The following INTS7 variants were observed in gnomAD, a reference collection of about 807,000 sequenced individuals.
INTS7 encodes the protein chromosome 1 open reading frame 73.
A neutral mutation model predicts 109.2 loss-of-function variants in INTS7; 46 were observed. That is an observed-to-expected ratio of 0.42 (90% CI 0.33 to 0.54). The LOEUF is 0.54. Among genes scored for constraint, INTS7 ranks in the 20% least tolerant of loss-of-function variants. The probability of loss-of-function intolerance (pLI) is 0.07; values close to 1 mark genes in which losing one functional copy is unlikely to be tolerated. For synonymous variants in INTS7, 412 were observed against 402.9 expected (o/e 1.02, Z -0.27); for missense variants, 929 against 1,132.4 (o/e 0.82, Z 2.58).
At chr1:211,968,229 G>A (rs759838152) in intron 14 of INTS7, among the ~76,000 whole-genome samples, 5 of 151,986 alleles carry the variant, frequency 3.3e-5, no homozygotes, top group African/African-American at 7.3e-5. Context: ...GTATTTTAGC[G>A]TCTTCAAGTT....
rs1663883026 is a variant in INTS7, at chr1:211,966,437, A to C, written c.2176T>G (p.Ser726Ala). The C allele has an allele frequency of 1.3e-6, 2 of 1,576,536 alleles. No homozygotes were observed. The highest frequency in any genetic ancestry group is 1.7e-6 in the Non-Finnish European group (2 of 1,146,570). ...AIEALILDPE[S>A]ASFQEYGSTG... ...TATTAATATTAGAATTACCTTGCTG[A>C]TTCTGGATCCAAAATCAGGGCTTCT... Residue 726 changes from serine (S) to alanine (A), a missense_variant, in exon 16 of 20, where the codon TCA (serine) becomes GCA (alanine). Physicochemically the swap from Ser to Ala is moderately conservative, Grantham distance 99. This residue lies in a region of INTS7 where 787 missense variants were observed against 901.1 expected (regional missense o/e 0.87). Coordinates refer to ENST00000366994, the MANE Select transcript of INTS7 (RefSeq NM_015434.4).
chr1:211,968,046 CCAAAA>C, intron 14 of INTS7, 65 bp from the exon 15 acceptor site: 1 of 856,090 alleles, frequency 1.2e-6, no homozygotes, highest in Non-Finnish European at 1.8e-6. Context: ...AACACAAAAA[CCAAAA>C]CAAAAAAAAG....
intron 15 of INTS7, among the ~76,000 whole-genome samples, 200 bp downstream of exon 15, chr1:211,967,678 C>A (rs188649008): frequency 6.6e-6 from 1 of 151,930 alleles, no homozygotes; most frequent in African/African-American, 2.4e-5. Context: ...AAGACACCTT[C>A]GAGTCACCAT....
chr1:211,977,452 C>T (rs1345510947), intron 11 of INTS7, among the ~76,000 whole-genome samples: 1 of 152,170 alleles, frequency 6.6e-6, no homozygotes, highest in Admixed American at 6.5e-5. Flanking sequence ...TATTTCAAAG[C>T]TGATTCATAT....
At position 212,014,693 on chromosome 1, in the gene INTS7, G is replaced by A. The variant is rs1453578351; in HGVS notation, c.509+2193C>T. On this transcript the variant is annotated intron_variant, in intron 4 of 19. Coordinates refer to ENST00000366994, the MANE Select transcript of INTS7 (RefSeq NM_015434.4). ...GCCAAGTGCCTGGGATTGCAGGTGC[G>A]CCGCCACGCCTGACTGGTTTTTGTA... is the stretch of plus-strand genomic sequence containing the variant. 1.0e-4 allele frequency among the ~76,000 whole-genome samples: 15 copies of A among 149,508 alleles called. 1 individual carries two copies. Among genetic ancestry groups the A allele is most frequent in the Non-Finnish European group, 1.8e-4 (12 of 66,894 alleles).
At chr1:211,990,004 A>C (rs1021707585) in intron 7 of INTS7, among the ~76,000 whole-genome samples, 1 of 152,178 alleles carries the variant, frequency 6.6e-6, no homozygotes. Flanking sequence ...TTGATAATAC[A>C]TAACACTGAA....
intron 6 of INTS7, 87 bp downstream of exon 6, chr1:212,007,163 G>A (rs917292774): frequency 2.1e-6 from 2 of 960,478 alleles, no homozygotes; most frequent in Admixed American, 4.2e-5. Flanking sequence ...ATGTCCTCAA[G>A]ACTTGTGGGC....
chr1:212,009,675 A>T (rs1422914469), intron 5 of INTS7, among the ~76,000 whole-genome samples: 1 of 152,206 alleles, frequency 6.6e-6, no homozygotes, highest in Non-Finnish European at 1.5e-5. Context: ...GCCTTTGTGA[A>T]TGGTTCCTTT....
At position 211,953,166 on chromosome 1, in the gene INTS7, T is replaced by C. The variant is rs200109198; in HGVS notation, c.2184-465A>G. 8.0e-4 allele frequency among the ~76,000 whole-genome samples: 122 copies of C among 152,178 alleles called. 1 individual carries two copies. The East Asian group carries it at 0.016, about 20-fold the overall frequency. On this transcript the variant is annotated intron_variant, in intron 16 of 19. Transcript: ENST00000366994. ...GTAGGTAAGTAAGATGGGTAAACTTTGGAGAGATGGAAAGTACAGGACATT... is the reference window on the plus strand; with the variant it reads ...GTAGGTAAGTAAGATGGGTAAACTTCGGAGAGATGGAAAGTACAGGACATT...
intron 1 of INTS7, chr1:212,030,844 T>C (rs905540391): frequency 6.6e-6 from 1 of 152,218 alleles, no homozygotes; most frequent in African/African-American, 2.4e-5. Flanking sequence ...ATCTGAGCCA[T>C]ATCGATAATG....
intron 16 of INTS7, among the ~76,000 whole-genome samples, chr1:211,962,971 T>C (rs77492039): frequency 0.026 from 3,967 of 151,986 alleles, 57 homozygotes; most frequent in African/African-American, 0.046. Context: ...AACTAGAGAA[T>C]GAAGAGCAAA....
At chr1:212,027,448 CATTTT>C (rs1292366943) in intron 1 of INTS7, among the ~76,000 whole-genome samples, 3 of 152,128 alleles carry the variant, frequency 2.0e-5, no homozygotes, top group Admixed American at 6.5e-5. Flanking sequence ...GCTATACCTA[CATTTT>C]ATTTTGTATT....
intron 13 of INTS7, among the ~76,000 whole-genome samples, chr1:211,972,320 T>C (rs1664218198): frequency 6.6e-6 from 1 of 152,180 alleles, no homozygotes; most frequent in Non-Finnish European, 1.5e-5. Flanking sequence ...TGATTCAAGT[T>C]CCCTGGTATC....
rs757692365 is a variant in INTS7 at position 211,959,430 on chromosome 1, G to A, written c.2184-6729C>T. Among the ~76,000 whole-genome samples the A allele has an allele frequency of 5.9e-5, 9 of 152,110 alleles. No individual in the cohort carries two copies. Among genetic ancestry groups the A allele is most frequent in the Non-Finnish European group, 1.0e-4 (7 of 68,014 alleles). On this transcript the variant is annotated intron_variant, in intron 16 of 19. Coordinates refer to ENST00000366994, the MANE Select transcript of INTS7 (RefSeq NM_015434.4). The surrounding 1 kb of genome is among the most constrained non-coding windows in gnomAD (Gnocchi z 4.2). ...CATAGCTCCTGTGCTTGTGGACTGC[G>A]CCTAACTGGTAGTGAGCTCCAGCAC...
At chr1:212,020,665 C>G (rs923859453) in intron 2 of INTS7, 2 of 820,600 alleles carry the variant, frequency 2.4e-6, no homozygotes, top group African/African-American at 3.7e-5. Flanking sequence ...CAGAAAGCAG[C>G]AGAAGATGGA....
At chr1:211,949,309 T>A (rs1459379408) in intron 17 of INTS7, among the ~76,000 whole-genome samples, 1 of 152,222 alleles carries the variant, frequency 6.6e-6, no homozygotes, top group Non-Finnish European at 1.5e-5. Flanking sequence ...CCAGCCCATC[T>A]TTCTTCCAAC....
In INTS7 at chr1:211,966,434, C is replaced by T; in HGVS notation, c.2179G>A (p.Ala727Thr). The T allele has an allele frequency of 6.4e-7, 1 of 1,566,270 alleles. No individual in the cohort carries two copies. Among genetic ancestry groups the T allele is most frequent in the Non-Finnish European group, 8.8e-7 (1 of 1,137,150 alleles). Residue 727 changes from alanine (A) to threonine (T), a missense_variant, in exon 16 of 20, where the codon GCA becomes ACA. Around this residue, in one of 2 missense-constraint regions of INTS7, gnomAD observed 787 missense variants for 901.1 expected, o/e 0.87. Transcript: ENST00000366994. ...IEALILDPES[A>T]SFQEYGSTGT... ...TATTATTAATATTAGAATTACCTTG[C>T]TGATTCTGGATCCAAAATCAGGGCT...
chr1:211,996,711 G>A (rs928450179), intron 7 of INTS7, among the ~76,000 whole-genome samples: 28 of 152,168 alleles, frequency 1.8e-4, no homozygotes, highest in African/African-American at 6.5e-4. Flanking sequence ...ATATGTGCAA[G>A]ATTTGTATGC....
chr1:211,967,985 T>A lies in INTS7; in HGVS notation c.2011-4A>T. 1 of 1,462,712 alleles carries A rather than the reference T, an allele frequency of 6.8e-7. No homozygotes were observed. Among genetic ancestry groups the A allele is most frequent in the Non-Finnish European group, 9.3e-7 (1 of 1,071,134 alleles). The allele number at this position is 1,462,712 out of a possible 1,614,324, so 90.6% of individuals were successfully genotyped here. A position where few individuals can be genotyped will look rare whatever the true frequency, so the allele number is the denominator to read the frequency against. On this transcript the variant is annotated splice_region_variant and splice_polypyrimidine_tract_variant and intron_variant, in intron 14 of 19. Transcript: ENST00000366994. Reference sequence around the variant, plus strand: ...ATTCTTCCATGGACTGTTTCATCTATAAAAAAAAATCAATTATGACAAACA... The same window carrying A: ...ATTCTTCCATGGACTGTTTCATCTAAAAAAAAAAATCAATTATGACAAACA...
Sources: allele counts gnomAD v4.1 joint callset (sites outside exome capture counted in the v4.1 genomes callset), GRCh38; gene constraint gnomAD v4.1.1; regional missense constraint gnomAD v4.1.1; non-coding constraint Gnocchi (gnomAD v3.1); transcripts MANE v1.5; gene names NCBI Gene and HGNC (gene_info 2026-07-23, HGNC 2026-07-21).